The following ROBO1 variants were observed in gnomAD, a reference collection of about 807,000 sequenced individuals.
ROBO1 encodes roundabout homolog 1.
A neutral mutation model predicts 195.9 loss-of-function variants in ROBO1; 149 were observed. The observed-to-expected ratio is 0.76, with a 90% CI of 0.67 to 0.87. ROBO1 has a LOEUF of 0.87. Among genes scored for constraint, ROBO1 ranks in the 40% least tolerant of loss-of-function variants. ROBO1 has a pLI of 0.00. For missense variants in ROBO1, 1,933 were observed against 2,068.3 expected (o/e 0.93, Z 1.27); for synonymous variants, 816 against 733.2 (o/e 1.11, Z -1.82).
intron 4 of ROBO1, among the ~76,000 whole-genome samples, chr3:78,815,408 C>G (rs1373618093): frequency 6.6e-6 from 1 of 152,048 alleles, no homozygotes; most frequent in Non-Finnish European, 1.5e-5. Flanking sequence ...AATGAAGCAG[C>G]CTTTTTACTG....
chr3:78,995,277 A>C (rs2077335733), intron 3 of ROBO1, among the ~76,000 whole-genome samples: 1 of 152,166 alleles, frequency 6.6e-6, no homozygotes, highest in South Asian at 2.1e-4. Flanking sequence ...GCCTTCAGGA[A>C]TGCTACATTG....
intron 2 of ROBO1, among the ~76,000 whole-genome samples, chr3:79,242,205 G>A (rs1275704779): frequency 6.6e-6 from 1 of 151,628 alleles, no homozygotes; most frequent in Non-Finnish European, 1.5e-5. Context: ...AAGATAAAAG[G>A]AGCCTGTGTC....
intron 4 of ROBO1, among the ~76,000 whole-genome samples, chr3:78,859,786 A>C (rs539190704): frequency 1.4e-3 from 210 of 152,322 alleles, no homozygotes; most frequent in African/African-American, 5.0e-3. Flanking sequence ...AGTGCATTTC[A>C]AAGAAACAGG....
intron 2 of ROBO1, among the ~76,000 whole-genome samples, chr3:79,352,778 A>T (rs1197920932): frequency 6.6e-6 from 1 of 152,170 alleles, no homozygotes; most frequent in Non-Finnish European, 1.5e-5. Flanking sequence ...TAGATAGAAT[A>T]TATGGGCAAG....
chr3:78,614,804 A>G lies in ROBO1; in HGVS notation c.4283-4T>C. On this transcript the variant is annotated splice_polypyrimidine_tract_variant and splice_region_variant and intron_variant, in intron 27 of 30. Transcript: ENST00000464233. ...GACGCATGAAAATGTCGACGGCCTA[A>G]GGAGAAAAAAAAAAAAAATCCAAGC... 1 of 1,563,058 alleles carries G rather than the reference A, an allele frequency of 6.4e-7. No individual in the cohort carries two copies. Among genetic ancestry groups the G allele is most frequent in the Non-Finnish European group, 8.6e-7 (1 of 1,157,104 alleles).
At chr3:79,346,270 T>A (rs2035115770) in intron 2 of ROBO1, among the ~76,000 whole-genome samples, 1 of 152,142 alleles carries the variant, frequency 6.6e-6, no homozygotes, top group Non-Finnish European at 1.5e-5. Flanking sequence ...ATGGTTTTGA[T>A]AATCAAGATA....
chr3:79,247,129 G>GTTTTTTTTTTTTT lies in ROBO1; in HGVS notation c.89-121603_89-121591dup, dbSNP rs575917340. On this transcript the variant is annotated intron_variant, in intron 2 of 30. Coordinates refer to ENST00000464233, the MANE Select transcript of ROBO1 (RefSeq NM_002941.4). ...AAAAGCATTAAGGCTCCTGTTTACTGTTTTTTTTTTTTTGTAAGAAGTATA... is the reference window on the plus strand; with the variant it reads ...AAAAGCATTAAGGCTCCTGTTTACTGTTTTTTTTTTTTTTTTTTTTTTTTTTGTAAGAAGTATA... Among the ~76,000 whole-genome samples, 181 of 134,774 alleles carry GTTTTTTTTTTTTT rather than the reference G, an allele frequency of 1.3e-3. 3 individuals carry two copies. Among genetic ancestry groups the GTTTTTTTTTTTTT allele is most frequent in the African/African-American group, 4.1e-3 (147 of 36,140 alleles). 88.4% of individuals were successfully genotyped at this position (134,774 alleles called of 152,430 possible).
intron 2 of ROBO1, among the ~76,000 whole-genome samples, chr3:79,488,126 T>C (rs1224235147): frequency 4.6e-5 from 7 of 151,208 alleles, no homozygotes; most frequent in Admixed American, 6.6e-5. Flanking sequence ...AAAATGGAAA[T>C]AAAAACTTGT....
At chr3:79,073,682 G>A (rs901585734) in intron 3 of ROBO1, among the ~76,000 whole-genome samples, 18 of 151,662 alleles carry the variant, frequency 1.2e-4, no homozygotes, top group African/African-American at 4.1e-4. Flanking sequence ...ATAAAAGATG[G>A]AACAAATAAT....
intron 4 of ROBO1, among the ~76,000 whole-genome samples, chr3:78,818,760 G>GT (rs1373692313): frequency 3.9e-5 from 6 of 152,174 alleles, no homozygotes; most frequent in Non-Finnish European, 8.8e-5. Flanking sequence ...TGGTCGTCCT[G>GT]TTCAACTCTC....
chr3:78,885,936 T>TAC (rs2036539670), intron 4 of ROBO1, among the ~76,000 whole-genome samples: 1 of 144,792 alleles, frequency 6.9e-6, no homozygotes, highest in South Asian at 2.1e-4. Context: ...TATATATATA[T>TAC]ATATACATAC....
intron 3 of ROBO1, chr3:79,018,835 C>A: frequency 9.9e-7 from 1 of 1,010,502 alleles, no homozygotes; most frequent in Non-Finnish European, 1.2e-6. Context: ...CGGCCGAGCG[C>A]CGCTGCGAGG....
chr3:79,066,032 G>T (rs565492364), intron 3 of ROBO1, among the ~76,000 whole-genome samples: 1 of 152,062 alleles, frequency 6.6e-6, no homozygotes, highest in Non-Finnish European at 1.5e-5. Context: ...CTTGCCAAAT[G>T]AGTAGAAAGT....
chr3:78,902,072 C>T (rs2037624546), intron 4 of ROBO1, among the ~76,000 whole-genome samples: 1 of 152,158 alleles, frequency 6.6e-6, no homozygotes, highest in South Asian at 2.1e-4. Context: ...TCAGGCATCA[C>T]TTAGTGTCAC....
intron 2 of ROBO1, among the ~76,000 whole-genome samples, chr3:79,483,120 C>T (rs184200032): frequency 6.6e-6 from 1 of 152,122 alleles, no homozygotes; most frequent in Non-Finnish European, 1.5e-5. Context: ...TTGTTTGAAC[C>T]AATATTTATT....
chr3:79,689,144 GA>G (rs558814631), intron 1 of ROBO1, among the ~76,000 whole-genome samples: 113 of 151,728 alleles, frequency 7.4e-4, no homozygotes, highest in Middle Eastern at 3.4e-3. Context: ...ATGAAACCTG[GA>G]AAAAAACCTC....
chr3:79,152,682 G>A (rs1270537238), intron 2 of ROBO1, among the ~76,000 whole-genome samples: 2 of 151,752 alleles, frequency 1.3e-5, no homozygotes, highest in Non-Finnish European at 2.9e-5. Flanking sequence ...ACAGTCAAAT[G>A]GGAGGAATCT....
intron 2 of ROBO1, among the ~76,000 whole-genome samples, chr3:79,315,365 AG>A (rs2033686301): frequency 6.6e-6 from 1 of 152,248 alleles, no homozygotes; most frequent in African/African-American, 2.4e-5. Flanking sequence ...TAAGAATGAA[AG>A]CAGGAGACCA....
At chr3:79,716,453 T>C (rs191025200) in intron 1 of ROBO1, among the ~76,000 whole-genome samples, 156 of 152,156 alleles carry the variant, frequency 1.0e-3, no homozygotes, top group African/African-American at 3.4e-3. Context: ...AAGGTACCTG[T>C]ATATTTTCAT....
Sources: allele counts gnomAD v4.1 joint callset (sites outside exome capture counted in the v4.1 genomes callset), GRCh38; gene constraint gnomAD v4.1.1; transcripts MANE v1.5; gene names NCBI Gene and HGNC (gene_info 2026-07-23, HGNC 2026-07-21).